GK3: variants seen among roughly 807,000 people sequenced by gnomAD.
GK3 encodes the protein glycerol kinase 3.
At chr4:165,279,694 C>T in the GK3 span, 19 of 1,440,456 alleles carry the variant, frequency 1.3e-5, no homozygotes, top group Admixed American at 2.5e-4. Flanking sequence ...TCCTGGGTGA[C>T]GGCGGCGGGA....
chr4:165,278,243 C>T, the GK3 span: 15 of 1,123,966 alleles, frequency 1.3e-5, no homozygotes, highest in Non-Finnish European at 2.0e-5. Context: ...TACGTCGACT[C>T]CTTCTGCAGC....
chr4:165,278,026 C>T, the GK3 span: 1 of 1,482,422 alleles, frequency 6.7e-7, no homozygotes, highest in Non-Finnish European at 9.4e-7. Context: ...TTAACATTGC[C>T]ATGCTACTCA....
the GK3 span, chr4:165,278,955 G>A: frequency 6.8e-7 from 1 of 1,480,074 alleles, no homozygotes; most frequent in Middle Eastern, 1.7e-4. Flanking sequence ...CGAACATGTG[G>A]AAGAATTTCC....
the GK3 span, chr4:165,279,431 C>T: frequency 1.2e-6 from 2 of 1,601,786 alleles, no homozygotes; most frequent in South Asian, 1.1e-5. Context: ...AAGTTTCTCA[C>T]ATGTTTTCTC....
chr4:165,278,616 C>A, the GK3 span: 1 of 1,589,134 alleles, frequency 6.3e-7, no homozygotes, highest in African/African-American at 1.3e-5. Context: ...TTTTCAATTT[C>A]TTCTGAGGTC....
chr4:165,278,348 A>G, the GK3 span: 1 of 1,181,944 alleles, frequency 8.5e-7, no homozygotes, highest in Non-Finnish European at 1.3e-6. Context: ...CTGCATAAGA[A>G]TTTTGTTGCT....
the GK3 span, chr4:165,278,344 A>C: frequency 8.6e-7 from 1 of 1,162,020 alleles, no homozygotes; most frequent in Non-Finnish European, 1.3e-6. Flanking sequence ...GTAGCTGCAT[A>C]AGAATTTTGT....
the GK3 span, chr4:165,279,568 C>G: frequency 6.3e-7 from 1 of 1,598,574 alleles, no homozygotes; most frequent in Non-Finnish European, 8.6e-7. Flanking sequence ...AATTGAAAAC[C>G]AAAAAGCGCG....
At chr4:165,278,622 A>T in the GK3 span, 4 of 1,588,318 alleles carry the variant, frequency 2.5e-6, no homozygotes, top group Non-Finnish European at 3.5e-6. Context: ...ATTTCTTCTG[A>T]GGTCTTTATA....
At chr4:165,279,490 C>A in the GK3 span, 31 of 1,577,886 alleles carry the variant, frequency 2.0e-5, no homozygotes, top group Non-Finnish European at 2.7e-5. Flanking sequence ...CCTGTTCCAC[C>A]CATCCTTCTC....
At chr4:165,279,039 T>C in the GK3 span, 185 of 1,507,998 alleles carry the variant, frequency 1.2e-4, 1 homozygote, top group Admixed American at 6.8e-4. Context: ...ATAGTCCTAC[T>C]TGCATTTGTT....
the GK3 span, chr4:165,278,418 C>T: frequency 7.1e-7 from 1 of 1,415,380 alleles, no homozygotes; most frequent in African/African-American, 1.4e-5. Flanking sequence ...CGATTCATGG[C>T]ATCCAAAATC....
At chr4:165,279,414 G>A in the GK3 span, 30 of 1,593,632 alleles carry the variant, frequency 1.9e-5, no homozygotes, top group Non-Finnish European at 2.5e-5. Context: ...CCAATATTGA[G>A]CTGTCCAAGT....
chr4:165,278,646 C>G, the GK3 span: 1 of 1,596,366 alleles, frequency 6.3e-7, no homozygotes, highest in African/African-American at 1.3e-5. Flanking sequence ...CCAAGATTGT[C>G]TCTTAGCCAG....
the GK3 span, chr4:165,279,538 A>G: frequency 2.6e-6 from 4 of 1,554,662 alleles, no homozygotes; most frequent in Non-Finnish European, 3.6e-6. Context: ...GATGATGACT[A>G]AGTAGTTCAG....
At chr4:165,278,205 C>A in the GK3 span, 3 of 1,233,120 alleles carry the variant, frequency 2.4e-6, no homozygotes, top group Middle Eastern at 1.9e-4. Context: ...ATCGTGACGG[C>A]GGACAAATCC....
At chr4:165,278,109 A>C in the GK3 span, 1 of 1,559,130 alleles carries the variant, frequency 6.4e-7, no homozygotes, top group Non-Finnish European at 8.9e-7. Flanking sequence ...GTTGTAACCC[A>C]ACCCATTGAC....
chr4:165,279,235 G>C, the GK3 span: 1 of 1,537,662 alleles, frequency 6.5e-7, no homozygotes, highest in South Asian at 1.1e-5. Context: ...TCTTGGACTT[G>C]ACAAAGTTAT....
At chr4:165,278,071 A>T in the GK3 span, 1 of 1,539,104 alleles carries the variant, frequency 6.5e-7, no homozygotes. Context: ...TACAGAAGAC[A>T]CTAGGGTCAC....
Sources: allele counts gnomAD v4.1 joint callset, GRCh38; gene constraint gnomAD v4.1.1; transcripts MANE v1.5; gene names NCBI Gene and HGNC (gene_info 2026-07-23, HGNC 2026-07-21).